SHISA9: variants seen among roughly 807,000 people sequenced by gnomAD.
SHISA9 encodes shisa family member 9.
A neutral mutation model predicts 38.0 loss-of-function variants in SHISA9; 13 were observed. The ratio of observed to expected loss-of-function variants is 0.34; its 90% CI spans 0.22 to 0.54. The LOEUF is 0.54. Among genes scored for constraint, SHISA9 ranks in the 20% least tolerant of loss-of-function variants. The pLI, the probability that SHISA9 is intolerant of heterozygous loss-of-function variation, is 0.91. For missense variants in SHISA9, 538 were observed against 575.8 expected (o/e 0.93, Z 0.67); for synonymous variants, 275 against 242.0 (o/e 1.14, Z -1.27).
At chr16:12,969,347 AT>A (rs112758862) in intron 2 of SHISA9, among the ~76,000 whole-genome samples, 2,091 of 137,096 alleles carry the variant, frequency 0.015, 26 homozygotes, top group Middle Eastern at 0.026. Context: ...TTGGGAGATG[AT>A]TTTTTTTTTT....
At chr16:13,000,838 C>T (rs1211919459) in intron 2 of SHISA9, among the ~76,000 whole-genome samples, 1 of 152,190 alleles carries the variant, frequency 6.6e-6, no homozygotes, top group East Asian at 1.9e-4. Flanking sequence ...TGAGAGGCTA[C>T]AATTTCAGAA....
At chr16:13,220,515 C>T (rs2051213248) in intron 4 of SHISA9, among the ~76,000 whole-genome samples, 1 of 152,194 alleles carries the variant, frequency 6.6e-6, no homozygotes, top group Admixed American at 6.5e-5. Context: ...TCTACATTGA[C>T]ATGGTCCCAG....
the SHISA9 span, among the ~76,000 whole-genome samples, chr16:13,271,316 A>G: frequency 6.6e-6 from 1 of 152,302 alleles, no homozygotes; most frequent in East Asian, 1.9e-4. Context: ...AAAGCTTTGG[A>G]AACAAATAAG....
intron 1 of SHISA9, among the ~76,000 whole-genome samples, chr16:12,908,181 G>T (rs935352134): frequency 6.6e-6 from 1 of 151,894 alleles, no homozygotes; most frequent in Non-Finnish European, 1.5e-5. Context: ...TTTACCTCTT[G>T]TCTACTGAAG....
the SHISA9 span, among the ~76,000 whole-genome samples, chr16:13,357,983 C>A: frequency 6.6e-6 from 1 of 151,696 alleles, no homozygotes; most frequent in East Asian, 1.9e-4. Flanking sequence ...TCTTTAGTTA[C>A]TTCAGGCCAT....
intron 2 of SHISA9, among the ~76,000 whole-genome samples, chr16:13,023,921 C>G (rs1334031251): frequency 6.6e-6 from 1 of 152,110 alleles, no homozygotes; most frequent in Non-Finnish European, 1.5e-5. Flanking sequence ...GGGGGTAAAA[C>G]ACAAAGATGG....
At chr16:13,521,070 C>G in the SHISA9 span, among the ~76,000 whole-genome samples, 1 of 152,194 alleles carries the variant, frequency 6.6e-6, no homozygotes, top group Non-Finnish European at 1.5e-5. Flanking sequence ...TTTCAATTCT[C>G]TGAGCTCCAC....
At chr16:13,556,596 G>C in the SHISA9 span, among the ~76,000 whole-genome samples, 1 of 152,006 alleles carries the variant, frequency 6.6e-6, no homozygotes, top group Non-Finnish European at 1.5e-5. Context: ...CCGGGAGGCA[G>C]AGCTTGCAGT....
chr16:12,969,927 G>A (rs1165803794), intron 2 of SHISA9, among the ~76,000 whole-genome samples: 1 of 152,068 alleles, frequency 6.6e-6, no homozygotes, highest in African/African-American at 2.4e-5. Flanking sequence ...TAGGGACCAT[G>A]TCACAGATCT....
chr16:12,961,270 G>C (rs1403040526), intron 2 of SHISA9, among the ~76,000 whole-genome samples: 3 of 152,152 alleles, frequency 2.0e-5, no homozygotes, highest in African/African-American at 7.2e-5. Context: ...AGAATGGTGG[G>C]AGCAGAGGTA....
At chr16:13,213,172 C>T in intron 3 of SHISA9, 81 bp from the exon 4 acceptor site, 2 of 1,320,822 alleles carry the variant, frequency 1.5e-6, no homozygotes, top group Non-Finnish European at 2.1e-6. Flanking sequence ...GGGCAGCCAA[C>T]AGCACCTGGG....
the SHISA9 span, among the ~76,000 whole-genome samples, chr16:13,521,159 C>T: frequency 9.2e-5 from 14 of 152,272 alleles, no homozygotes; most frequent in East Asian, 2.5e-3. Flanking sequence ...TGTTCCACAC[C>T]TGATCATTAC....
At chr16:12,974,192 A>C (rs2072123694) in intron 2 of SHISA9, among the ~76,000 whole-genome samples, 1 of 152,180 alleles carries the variant, frequency 6.6e-6, no homozygotes, top group Non-Finnish European at 1.5e-5. Flanking sequence ...TTCACTGCTC[A>C]TGACTCAAAT....
intron 2 of SHISA9, among the ~76,000 whole-genome samples, chr16:13,133,737 G>A (rs940557277): frequency 2.0e-5 from 3 of 152,112 alleles, no homozygotes; most frequent in Non-Finnish European, 4.4e-5. Flanking sequence ...GGAAGTAATT[G>A]GCTTGTTCTC....
At chr16:13,127,457 GGA>G (rs990382003) in intron 2 of SHISA9, among the ~76,000 whole-genome samples, 7 of 151,560 alleles carry the variant, frequency 4.6e-5, no homozygotes, top group East Asian at 2.0e-4. Context: ...ATCGAGGGAG[GGA>G]GAGAGAGAAA....
Position 13,222,792 on chromosome 16 carries a change from G to A in SHISA9, c.895+9492G>A, listed in dbSNP as rs1659143. Reference sequence around the variant, plus strand: ...TGCACTCCACAAGGTGTGTGTGTATGTATATATATATATATATATACATAC... The same window carrying A: ...TGCACTCCACAAGGTGTGTGTGTATATATATATATATATATATATACATAC... On this transcript the variant is annotated intron_variant, in intron 4 of 4. Transcript: ENST00000558583. Among the ~76,000 whole-genome samples the A allele has an allele frequency of 0.011, 717 of 63,520 alleles. 5 individuals are homozygous for A. The East Asian group carries it at 0.16, about 15-fold the overall frequency. The allele number at this position is 63,520 out of a possible 152,430, so 41.7% of individuals were successfully genotyped here.
At chr16:13,504,726 A>G in the SHISA9 span, among the ~76,000 whole-genome samples, 4 of 152,186 alleles carry the variant, frequency 2.6e-5, no homozygotes, top group African/African-American at 9.7e-5. Context: ...TGCCATAATA[A>G]TGTATTCTGT....
At chr16:13,526,783 G>A in the SHISA9 span, among the ~76,000 whole-genome samples, 11 of 152,196 alleles carry the variant, frequency 7.2e-5, no homozygotes, top group Middle Eastern at 6.8e-3. Context: ...ACCCCAGACC[G>A]ATTAATGCAT....
At chr16:13,258,912 C>T in the SHISA9 span, among the ~76,000 whole-genome samples, 1 of 152,154 alleles carries the variant, frequency 6.6e-6, no homozygotes, top group African/African-American at 2.4e-5. Context: ...TATCATTCCA[C>T]CCCTGGCCCC....
Sources: allele counts gnomAD v4.1 joint callset (sites outside exome capture counted in the v4.1 genomes callset), GRCh38; gene constraint gnomAD v4.1.1; transcripts MANE v1.5; gene names NCBI Gene and HGNC (gene_info 2026-07-23, HGNC 2026-07-21).